Variants in CNBD1 observed in about 807,000 individuals in gnomAD.
The protein encoded by CNBD1 is cyclic nucleotide binding domain containing 1, also known as cyclic nucleotide-binding domain-containing protein 1.
A neutral mutation model predicts 54.4 loss-of-function variants in CNBD1; 71 were observed. The ratio of observed to expected loss-of-function variants is 1.30; its 90% confidence interval spans 1.08 to 1.59. The LOEUF is 1.59. CNBD1 is among the 40% of genes most tolerant of loss of function. The pLI is 0.00. For missense variants in CNBD1, 659 were observed against 518.0 expected (o/e 1.27, Z -2.64); for synonymous variants, 182 against 170.7 (o/e 1.07, Z -0.51).
At chr8:87,139,783 G>A (rs1473699697) in intron 4 of CNBD1, among the ~76,000 whole-genome samples, 1 of 152,274 alleles carries the variant, frequency 6.6e-6, no homozygotes, top group East Asian at 1.9e-4. Context: ...TGTTGATGTT[G>A]TAAGACAGCC....
intron 4 of CNBD1, among the ~76,000 whole-genome samples, chr8:87,107,789 G>C (rs985027907): frequency 6.6e-6 from 1 of 152,164 alleles, no homozygotes; most frequent in Non-Finnish European, 1.5e-5. Flanking sequence ...CACTAGTCTA[G>C]ACTTAGAACT....
intron 5 of CNBD1, among the ~76,000 whole-genome samples, chr8:87,230,197 G>A (rs781082448): frequency 2.0e-5 from 3 of 152,124 alleles, no homozygotes; most frequent in Non-Finnish European, 4.4e-5. Context: ...GCATCGAGAG[G>A]ATGGTGCTAA....
intron 4 of CNBD1, among the ~76,000 whole-genome samples, chr8:87,126,158 G>A (rs534713647): frequency 5.3e-5 from 8 of 152,036 alleles, no homozygotes; most frequent in African/African-American, 1.9e-4. Flanking sequence ...TCTATTTAAA[G>A]ACATGTGCTT....
chr8:87,178,473 G>C (rs2130775209), intron 4 of CNBD1, among the ~76,000 whole-genome samples: 1 of 152,292 alleles, frequency 6.6e-6, no homozygotes, highest in Non-Finnish European at 1.5e-5. Context: ...GAGAGGGATG[G>C]AAAGAAGGCC....
intron 5 of CNBD1, among the ~76,000 whole-genome samples, chr8:87,234,658 G>A (rs1023090497): frequency 6.6e-6 from 1 of 152,118 alleles, no homozygotes; most frequent in Non-Finnish European, 1.5e-5. Context: ...CATTTATAGA[G>A]CACAGGCAGA....
At chr8:87,009,351 A>G (rs1809167597) in intron 4 of CNBD1, among the ~76,000 whole-genome samples, 1 of 151,970 alleles carries the variant, frequency 6.6e-6, no homozygotes, top group East Asian at 1.9e-4. Flanking sequence ...CCCAGGCTGG[A>G]GTGCAGTGGA....
chr8:87,396,294 T>C (rs955128562), intron 2 of CNBD1, among the ~76,000 whole-genome samples: 1 of 151,984 alleles, frequency 6.6e-6, no homozygotes, highest in Non-Finnish European at 1.5e-5. Context: ...TATGCAGTTA[T>C]AGCAATTAAC....
intron 5 of CNBD1, among the ~76,000 whole-genome samples, chr8:87,208,553 T>C (rs1476589192): frequency 1.3e-5 from 2 of 152,036 alleles, no homozygotes; most frequent in African/African-American, 4.8e-5. Context: ...CACATTTTTA[T>C]GGCCTGAACA....
intron 8 of CNBD1, among the ~76,000 whole-genome samples, chr8:87,339,186 C>T (rs1045326833): frequency 3.3e-5 from 5 of 152,156 alleles, no homozygotes; most frequent in African/African-American, 7.2e-5. Context: ...TTCTTCCCCT[C>T]CCCTCACTGG....
intron 10 of CNBD1, among the ~76,000 whole-genome samples, chr8:87,380,136 T>C (rs761121600): frequency 3.3e-5 from 5 of 151,988 alleles, no homozygotes; most frequent in Non-Finnish European, 7.4e-5. Context: ...AGTATTTATA[T>C]AATTACCAGC....
chr8:87,235,985 A>T (rs911315817), intron 5 of CNBD1, among the ~76,000 whole-genome samples: 15 of 152,118 alleles, frequency 9.9e-5, no homozygotes, highest in African/African-American at 3.4e-4. Context: ...ATGAATTGTG[A>T]CTAAGAAAGT....
intron 3 of CNBD1, among the ~76,000 whole-genome samples, chr8:86,937,674 A>G (rs4538907): frequency 0.32 from 48,350 of 151,958 alleles, 7,857 homozygotes; most frequent in East Asian, 0.38. Context: ...GCTGGGACAC[A>G]GGGCACCAAG....
At chr8:87,026,145 GTTCTT>G (rs1809640208) in intron 4 of CNBD1, among the ~76,000 whole-genome samples, 1 of 152,056 alleles carries the variant, frequency 6.6e-6, no homozygotes, top group African/African-American at 2.4e-5. Context: ...TTTTTAAAAG[GTTCTT>G]TTCAATAGCA....
intron 10 of CNBD1, among the ~76,000 whole-genome samples, chr8:87,370,839 T>C (rs1372365900): frequency 6.6e-6 from 1 of 150,574 alleles, no homozygotes; most frequent in East Asian, 1.9e-4. Flanking sequence ...TAGGTTTTCT[T>C]CTAGGGTTTT....
Position 87,286,568 on chromosome 8 carries a change from G to C in CNBD1, c.939G>C (p.Lys313Asn), listed in dbSNP as rs1011735788. 1 of 1,459,332 alleles carries C rather than the reference G, an allele frequency of 6.9e-7. No individual in the cohort carries two copies. Among genetic ancestry groups the C allele is most frequent in the Non-Finnish European group, 9.4e-7 (1 of 1,063,460 alleles). 90.4% of individuals were successfully genotyped at this position (1,459,332 alleles called of 1,614,324 possible). Residue 313 changes from lysine to asparagine, a missense_variant, in exon 8 of 11, where the codon AAG (lysine) becomes AAC (asparagine). Physicochemically the swap from Lys to Asn is moderately conservative, Grantham distance 94 (BLOSUM62 0). Transcript: ENST00000518476. ...EEKIKLENMQ[K>N]LKLIRMCPYY... ...AAATAAAACTTGAAAATATGCAAAA[G>C]TTGAAATTAATCCGTATGTGTCCTT...
chr8:87,266,436 A>AATTTTTTTT (rs71503464), intron 6 of CNBD1, among the ~76,000 whole-genome samples: 1 of 76,226 alleles, frequency 1.3e-5, no homozygotes, highest in African/African-American at 4.0e-5. Flanking sequence ...AAAAAAAAAA[A>AATTTTTTTT]TCTTTTTTTT....
chr8:87,368,992 A>G (rs568450708), intron 10 of CNBD1, among the ~76,000 whole-genome samples: 6 of 152,004 alleles, frequency 3.9e-5, no homozygotes, highest in Non-Finnish European at 8.8e-5. Context: ...CCAGGAATCA[A>G]ACCCTAACAC....
chr8:86,986,813 C>T (rs959321636), intron 4 of CNBD1, among the ~76,000 whole-genome samples: 2 of 151,820 alleles, frequency 1.3e-5, no homozygotes, highest in African/African-American at 4.8e-5. Context: ...TTGAAGATCA[C>T]CTGGTTGTAG....
At chr8:87,296,677 A>C (rs1318273424) in intron 8 of CNBD1, among the ~76,000 whole-genome samples, 1 of 151,742 alleles carries the variant, frequency 6.6e-6, no homozygotes, top group African/African-American at 2.4e-5. Context: ...TGCTGTCGTG[A>C]CCAATGACCA....
Sources: gnomAD v4.1 joint callset for allele counts (sites outside exome capture counted in the v4.1 genomes callset) on GRCh38, gnomAD v4.1.1 for gene constraint, MANE v1.5 for transcripts, NCBI Gene and HGNC (gene_info 2026-07-23, HGNC 2026-07-21) for gene names.